The following KAT6A variants were observed in gnomAD, a reference collection of about 807,000 sequenced individuals.
The protein encoded by KAT6A is histone acetyltransferase KAT6A.
KAT6A carries 9 observed loss-of-function variants against 198.4 expected under a neutral mutation model. The observed-to-expected ratio is 0.05, with a 90% CI of 0.03 to 0.08. KAT6A has a LOEUF of 0.08. KAT6A is among the 10% of genes least tolerant of loss of function. The probability of loss-of-function intolerance (pLI) is 1.00; values close to 1 mark genes in which losing one functional copy is unlikely to be tolerated. For synonymous variants in KAT6A, 890 were observed against 883.0 expected, an observed-to-expected ratio of 1.01 and a Z score of -0.14; for missense variants, 2,077 against 2,509.9, an observed-to-expected ratio of 0.83 and a Z score of 3.69.
rs1399843129 is a variant in KAT6A, at chr8:41,942,812, T to C, written c.2417A>G (p.Glu806Gly). 3.7e-6 allele frequency: 6 copies of C among 1,614,076 alleles called. No homozygotes were observed. Among genetic ancestry groups the C allele is most frequent in the South Asian group, 3.3e-5 (3 of 91,084 alleles). The change falls in exon 14 of 17, where the codon GAA (glutamate) becomes GGA (glycine). Residue 806 changes from glutamate (E) to glycine (G), a missense_variant. By Grantham distance (98) the Glu-to-Gly change is moderately conservative. Coordinates refer to ENST00000265713, the MANE Select transcript of KAT6A (RefSeq NM_006766.5). ...CCTTACACTGATCTCTAATTCTCTT[T>C]CCTGGCACTGTGGCTCTTCGTTTTC... ...EGENEEPQCQ[E>G]RELEISVGKS...
chr8:41,950,729 C>T (rs959497999), intron 9 of KAT6A, among the ~76,000 whole-genome samples: 11 of 152,116 alleles, frequency 7.2e-5, no homozygotes, highest in Admixed American at 7.2e-4. Flanking sequence ...TAAATGCCAA[C>T]TTTAAGGGCA....
In KAT6A at chr8:42,048,631, G is replaced by A. The variant is rs1247550244; in HGVS notation, c.347C>T (p.Ser116Leu). 6.2e-7 allele frequency: 1 copy of A among 1,614,010 alleles called. No individual in the cohort carries two copies. Among genetic ancestry groups the A allele is most frequent in the Non-Finnish European group, 8.5e-7 (1 of 1,180,036 alleles). The change falls in exon 2 of 17, where the codon TCA (serine) becomes TTA (leucine). Residue 116 changes from serine to leucine, a missense_variant. Ser to Leu is a moderately radical substitution (Grantham distance 145, BLOSUM62 -2). Around this residue, in one of 13 missense-constraint regions of KAT6A, gnomAD observed 185 missense variants for 185.7 expected, o/e 1.00. Transcript: ENST00000265713. The stretch of plus-strand genomic sequence containing the variant: ...AAAACGTTCAATGCTTTTCAAAGTT[G>A]AGCCACCAGACTCTGCCAAGCCCTC... The part of the protein sequence containing the change: ...AVEGLAESGG[S>L]TLKSIERFLK...
At chr8:42,041,646 T>C (rs1354713272) in intron 2 of KAT6A, among the ~76,000 whole-genome samples, 1 of 151,398 alleles carries the variant, frequency 6.6e-6, no homozygotes, top group South Asian at 2.1e-4. Flanking sequence ...GGAGAGGCAG[T>C]AGAATTGCTT....
intron 8 of KAT6A, among the ~76,000 whole-genome samples, chr8:41,955,736 G>A (rs546524682): frequency 2.0e-5 from 3 of 152,190 alleles, no homozygotes; most frequent in African/African-American, 7.2e-5. Flanking sequence ...GCTGATACTT[G>A]GTGATATAAG....
At chr8:42,011,935 C>T (rs563883771) in intron 2 of KAT6A, among the ~76,000 whole-genome samples, 1 of 151,110 alleles carries the variant, frequency 6.6e-6, no homozygotes, top group African/African-American at 2.4e-5. Flanking sequence ...AAATCCAACC[C>T]CCTGAAAAAG....
At chr8:41,946,230 T>G (rs1822377981) in intron 12 of KAT6A, among the ~76,000 whole-genome samples, 1 of 152,010 alleles carries the variant, frequency 6.6e-6, no homozygotes, top group Admixed American at 6.6e-5. Flanking sequence ...GCTTCCTGAG[T>G]AGGTGGAACC....
At chr8:41,964,342 C>A (rs1823352110) in intron 8 of KAT6A, among the ~76,000 whole-genome samples, 1 of 152,092 alleles carries the variant, frequency 6.6e-6, no homozygotes, top group Admixed American at 6.6e-5. Flanking sequence ...GTATCTATTA[C>A]TAACCACATG....
intron 16 of KAT6A, among the ~76,000 whole-genome samples, chr8:41,936,318 G>A (rs1189780981): frequency 6.6e-6 from 1 of 152,068 alleles, no homozygotes; most frequent in African/African-American, 2.4e-5. Context: ...TATGAGAATG[G>A]AGAAAATGTA....
chr8:41,998,850 T>TA (rs202233104), intron 2 of KAT6A, among the ~76,000 whole-genome samples: 53 of 149,778 alleles, frequency 3.5e-4, no homozygotes, highest in South Asian at 1.0e-3. Context: ...TTATAATAAT[T>TA]AAAAAAAAAA....
At chr8:41,946,289 G>A (rs1822381504) in intron 12 of KAT6A, among the ~76,000 whole-genome samples, 1 of 151,962 alleles carries the variant, frequency 6.6e-6, no homozygotes, top group Non-Finnish European at 1.5e-5. Flanking sequence ...TTTTTGTAGA[G>A]ACAGGGTCTT....
intron 2 of KAT6A, among the ~76,000 whole-genome samples, chr8:42,045,817 C>CA (rs747713066): frequency 0.19 from 11,927 of 63,126 alleles, 709 homozygotes; most frequent in South Asian, 0.33. Flanking sequence ...ACTAAAAATA[C>CA]AAAAAAAAAA....
intron 2 of KAT6A, among the ~76,000 whole-genome samples, chr8:42,032,871 CTTTTTTTT>C (rs1163323345): frequency 9.1e-5 from 7 of 76,536 alleles, no homozygotes; most frequent in South Asian, 4.8e-4. Flanking sequence ...AAAACCTTGG[CTTTTTTTT>C]TTTTTTTTTT....
chr8:42,005,516 G>C (rs1321103960), intron 2 of KAT6A, among the ~76,000 whole-genome samples: 1 of 152,154 alleles, frequency 6.6e-6, no homozygotes, highest in African/African-American at 2.4e-5. Flanking sequence ...AGGAAAGCGA[G>C]GCTGAAGCAG....
intron 2 of KAT6A, among the ~76,000 whole-genome samples, chr8:42,042,837 C>T (rs1190866951): frequency 2.0e-5 from 3 of 152,134 alleles, no homozygotes; most frequent in African/African-American, 7.2e-5. Flanking sequence ...TAATACAGAA[C>T]ACAAACTATA....
At chr8:42,045,353 G>T (rs937279446) in intron 2 of KAT6A, among the ~76,000 whole-genome samples, 5 of 152,074 alleles carry the variant, frequency 3.3e-5, no homozygotes, top group African/African-American at 1.2e-4. Flanking sequence ...CTGAGGTTGG[G>T]AGTTCGAGAT....
rs766033781 is a variant in KAT6A, at chr8:41,934,688, C to T, written c.3532G>A (p.Glu1178Lys). Residue 1178 changes from glutamate to lysine, a missense_variant, in exon 17 of 17, where the codon GAA becomes AAA. This residue lies in a region of KAT6A where 375 missense variants were observed against 383.0 expected (regional missense o/e 0.98). Transcript: ENST00000265713. ...GRKPGFKLSREIMPVSTQACV... is the reference protein window; with the variant it reads ...GRKPGFKLSRKIMPVSTQACV... Reference sequence around the variant, plus strand: ...GCTTGAGTAGAAACTGGCATGATTTCCCGACTCAACTTAAATCCTGGTTTT... The same window carrying T: ...GCTTGAGTAGAAACTGGCATGATTTTCCGACTCAACTTAAATCCTGGTTTT... The T allele has an allele frequency of 3.1e-6, 5 of 1,614,040 alleles. No individual in the cohort carries two copies. The highest frequency in any genetic ancestry group is 2.5e-6 in the Non-Finnish European group (3 of 1,180,044).
chr8:41,961,751 CAAAA>C (rs913470847), intron 8 of KAT6A, among the ~76,000 whole-genome samples: 1 of 46,516 alleles, frequency 2.1e-5, no homozygotes, highest in Non-Finnish European at 4.4e-5. Context: ...GACTCCATCT[CAAAA>C]AAAAAAAAAA....
At position 42,049,064 on chromosome 8, in the gene KAT6A, A is replaced by G; in HGVS notation, c.-87T>C. On this transcript the variant is annotated 5_prime_UTR_variant, in exon 2 of 17. Transcript: ENST00000265713. ...ACACCATGGAAAACAAGATTCTCGG[A>G]GGCTGGGAACCAGTTAACCATAGCA... The G allele has an allele frequency of 1.4e-6, 2 of 1,411,598 alleles. No homozygotes were observed. Among genetic ancestry groups the G allele is most frequent in the East Asian group, 2.3e-5 (1 of 43,808 alleles). The allele number at this position is 1,411,598 out of a possible 1,614,324, so 87.4% of individuals were successfully genotyped here.
chr8:42,009,839 A>G (rs796498525), intron 2 of KAT6A, among the ~76,000 whole-genome samples: 5 of 147,872 alleles, frequency 3.4e-5, no homozygotes, highest in African/African-American at 1.3e-4. Context: ...AACAGAGGCT[A>G]CAGTGAGCCA....
Sources: gnomAD v4.1 joint callset for allele counts (sites outside exome capture counted in the v4.1 genomes callset) on GRCh38, gnomAD v4.1.1 for gene constraint, gnomAD v4.1.1 regional missense constraint, MANE v1.5 for transcripts, NCBI Gene and HGNC (gene_info 2026-07-23, HGNC 2026-07-21) for gene names.